The following STK32B variants were observed in gnomAD, a reference collection of about 807,000 sequenced individuals.
The protein encoded by STK32B is serine/threonine-protein kinase 32B.
A neutral mutation model predicts 52.6 loss-of-function variants in STK32B; 43 were observed. That is an observed-to-expected ratio of 0.82 (90% CI 0.64 to 1.05). The LOEUF (loss-of-function observed/expected upper bound fraction) is 1.05, where lower values mean the gene tolerates loss of function less well. Ranked by LOEUF, STK32B falls within the 50% of genes least tolerant of loss-of-function variation. The pLI is 0.00. For synonymous variants in STK32B, 238 were observed against 204.3 expected, an observed-to-expected ratio of 1.17 and a Z score of -1.41; for missense variants, 621 against 534.6, an observed-to-expected ratio of 1.16 and a Z score of -1.59.
chr4:5,251,551 T>G (rs1051715549), intron 3 of STK32B, among the ~76,000 whole-genome samples: 13 of 152,190 alleles, frequency 8.5e-5, no homozygotes, highest in Admixed American at 2.6e-4. Flanking sequence ...TAGTATTCCT[T>G]AGTTATTCAG....
intron 3 of STK32B, among the ~76,000 whole-genome samples, chr4:5,326,235 T>C (rs1156985259): frequency 1.3e-5 from 2 of 152,210 alleles, no homozygotes; most frequent in Non-Finnish European, 2.9e-5. Flanking sequence ...ACTATTAGAA[T>C]ACAAATTGTG....
chr4:5,043,965 C>T, the STK32B span, among the ~76,000 whole-genome samples: 2 of 152,232 alleles, frequency 1.3e-5, no homozygotes, highest in Non-Finnish European at 2.9e-5. Flanking sequence ...ATTGCCTCCA[C>T]ATAGGTTTTT....
chr4:5,136,976 A>G (rs1434971742), intron 1 of STK32B, among the ~76,000 whole-genome samples: 1 of 152,194 alleles, frequency 6.6e-6, no homozygotes, highest in East Asian at 1.9e-4. Context: ...GGAGCCCACA[A>G]TTTTGTAGGG....
At chr4:5,129,638 A>G (rs989258523) in intron 1 of STK32B, among the ~76,000 whole-genome samples, 4 of 152,196 alleles carry the variant, frequency 2.6e-5, no homozygotes, top group African/African-American at 9.7e-5. Context: ...TGTGAACACG[A>G]ACTTGAGAGG....
chr4:5,476,039 C>T (rs1220377656), intron 11 of STK32B, among the ~76,000 whole-genome samples: 1 of 151,954 alleles, frequency 6.6e-6, no homozygotes. Flanking sequence ...GGATTACAGG[C>T]ACCCGCCACC....
the STK32B span, among the ~76,000 whole-genome samples, chr4:5,042,513 G>A: frequency 6.6e-6 from 1 of 152,174 alleles, no homozygotes. Context: ...TAGAAGGAAT[G>A]TACTTACTTC....
chr4:5,221,483 A>G (rs1723535147), intron 3 of STK32B, among the ~76,000 whole-genome samples: 3 of 152,180 alleles, frequency 2.0e-5, no homozygotes, highest in Admixed American at 2.0e-4. Context: ...GATGCTAATA[A>G]AGATAATCTG....
At chr4:5,492,049 C>T (rs2108727026) in intron 11 of STK32B, among the ~76,000 whole-genome samples, 1 of 152,220 alleles carries the variant, frequency 6.6e-6, no homozygotes, top group Non-Finnish European at 1.5e-5. Flanking sequence ...TTAGGATTGA[C>T]TTGGCAATGC....
At chr4:5,324,822 G>A (rs1731766309) in intron 3 of STK32B, among the ~76,000 whole-genome samples, 1 of 152,186 alleles carries the variant, frequency 6.6e-6, no homozygotes, top group African/African-American at 2.4e-5. Flanking sequence ...GAGAGTGTGG[G>A]TCCATCCAGG....
chr4:5,255,119 A>C (rs555318990), intron 3 of STK32B, among the ~76,000 whole-genome samples: 63 of 152,272 alleles, frequency 4.1e-4, no homozygotes, highest in Admixed American at 7.8e-4. Context: ...ATGGTATGTT[A>C]CTTTAAACTG....
chr4:5,253,165 C>G (rs1420144059), intron 3 of STK32B, among the ~76,000 whole-genome samples: 2 of 152,084 alleles, frequency 1.3e-5, no homozygotes, highest in African/African-American at 2.4e-5. Flanking sequence ...TTGGGTTGAT[C>G]CACATGCTCT....
chr4:5,159,647 ATATGAAT>A (rs1560186131), intron 2 of STK32B, among the ~76,000 whole-genome samples: 1 of 100,080 alleles, frequency 1.0e-5, no homozygotes, highest in East Asian at 2.5e-4. Flanking sequence ...ATATGAATGT[ATATGAAT>A]ATATATATGA....
intron 4 of STK32B, among the ~76,000 whole-genome samples, chr4:5,389,659 A>G (rs1736472023): frequency 6.6e-6 from 1 of 152,200 alleles, no homozygotes; most frequent in African/African-American, 2.4e-5. Context: ...GACCTCCACA[A>G]AGGAATTTGG....
Position 5,467,705 on chromosome 4 carries a change from C to T in STK32B, c.1042-301C>T, listed in dbSNP as rs112700741. ...AATTTCTGGTTTTCCATGCCCCTCA[C>T]GTGGGCCTTAAGTGGTCAGGAAAAT... On this transcript the variant is annotated intron_variant, in intron 10 of 11. Coordinates refer to ENST00000282908, the MANE Select transcript of STK32B (RefSeq NM_018401.3). The surrounding 1 kb of genome is among the most constrained non-coding windows in gnomAD (Gnocchi z 5.8). Among the ~76,000 whole-genome samples, 248 of 152,292 alleles carry T rather than the reference C, an allele frequency of 1.6e-3. 1 individual carries two copies. Among genetic ancestry groups the T allele is most frequent in the African/African-American group, 5.4e-3 (223 of 41,570 alleles).
intron 4 of STK32B, among the ~76,000 whole-genome samples, chr4:5,372,190 T>C (rs1252242485): frequency 1.3e-5 from 2 of 152,172 alleles, no homozygotes; most frequent in Non-Finnish European, 2.9e-5. Context: ...AGTCAAAGGA[T>C]TGGGGACCGT....
chr4:5,467,376 C>T lies in STK32B; in HGVS notation c.1041+542C>T, dbSNP rs1027490952. 1.3e-5 allele frequency among the ~76,000 whole-genome samples: 2 copies of T among 152,182 alleles called. No homozygotes were observed. Among genetic ancestry groups the T allele is most frequent in the African/African-American group, 4.8e-5 (2 of 41,466 alleles). ...TCGAGTGGCGGCCGGCCCCCTTGTC[C>T]TTCGCTGGCTCGCAGCTGCATGGTT... On this transcript the variant is annotated intron_variant, in intron 10 of 11. Coordinates refer to ENST00000282908, the MANE Select transcript of STK32B (RefSeq NM_018401.3). The surrounding 1 kb of genome is among the most constrained non-coding windows in gnomAD (Gnocchi z 5.8).
At chr4:5,415,128 G>A (rs1712049107) in intron 5 of STK32B, among the ~76,000 whole-genome samples, 1 of 152,162 alleles carries the variant, frequency 6.6e-6, no homozygotes, top group South Asian at 2.1e-4. Flanking sequence ...AGATAGATTT[G>A]TCCTGGCTGG....
At chr4:5,069,190 CTTTTTTT>C (rs11309394) in intron 1 of STK32B, among the ~76,000 whole-genome samples, 2 of 99,578 alleles carry the variant, frequency 2.0e-5, no homozygotes, top group African/African-American at 3.8e-5. Context: ...GGCAGGTTCT[CTTTTTTT>C]TTTTTTTTTT....
chr4:5,235,571 T>C (rs1724570612), intron 3 of STK32B, among the ~76,000 whole-genome samples: 3 of 152,344 alleles, frequency 2.0e-5, no homozygotes, highest in Admixed American at 2.0e-4. Flanking sequence ...AGTTACACCT[T>C]AGCCAAATAT....
Sources: gnomAD v4.1 joint callset for allele counts (sites outside exome capture counted in the v4.1 genomes callset) on GRCh38, gnomAD v4.1.1 for gene constraint, Gnocchi (gnomAD v3.1) non-coding constraint, MANE v1.5 for transcripts, NCBI Gene and HGNC (gene_info 2026-07-23, HGNC 2026-07-21) for gene names.